The following LRRC75A variants were observed in gnomAD, a reference collection of about 807,000 sequenced individuals.
LRRC75A encodes the protein leucine-rich repeat-containing protein 75A.
Under a neutral mutation model 26.0 loss-of-function variants are expected in LRRC75A, and 12 were observed. That is an observed-to-expected ratio of 0.46 (90% CI 0.30 to 0.75). The LOEUF (loss-of-function observed/expected upper bound fraction) is 0.75. Ranked by LOEUF, LRRC75A falls within the 30% of genes least tolerant of loss-of-function variation. The pLI is 0.08. For missense variants in LRRC75A, 410 were observed against 486.6 expected, an observed-to-expected ratio of 0.84 and a Z score of 1.48; for synonymous variants, 223 against 219.3, an observed-to-expected ratio of 1.02 and a Z score of -0.15.
chr17:16,491,928 G>C lies in LRRC75A; in HGVS notation c.63C>G (p.Gly21=). 8.0e-7 allele frequency: 1 copy of C among 1,249,344 alleles called. No individual in the cohort carries two copies. The highest frequency in any genetic ancestry group is 1.0e-6 in the Non-Finnish European group (1 of 999,990). The allele number at this position is 1,249,344 out of a possible 1,614,324, so 77.4% of individuals were successfully genotyped here. The change falls in exon 1 of 4, where the codon GGC becomes GGG. Residue 21 remains glycine (G), a synonymous_variant. Transcript: ENST00000470794. This position sits in a 1 kb window ranked among gnomAD's most constrained non-coding sequence, Gnocchi z 5.9. ...AERASPGAAP[G]PRRERPDFWA... ...AGAAGTCCGGCCGTTCGCGTCGGGG[G>C]CCCGGCGCGGCGCCGGGGCTGGCTC...
At chr17:16,487,192 T>G (rs1229418837) in intron 1 of LRRC75A, among the ~76,000 whole-genome samples, 1 of 152,128 alleles carries the variant, frequency 6.6e-6, no homozygotes, top group Non-Finnish European at 1.5e-5. Context: ...GTAAGGTGCA[T>G]TCAGTGGAAA....
At chr17:16,464,835 C>G (rs1172977702) in intron 1 of LRRC75A, among the ~76,000 whole-genome samples, 5 of 152,260 alleles carry the variant, frequency 3.3e-5, no homozygotes, top group South Asian at 2.1e-4. Flanking sequence ...CCCTGCCTCC[C>G]TGAGGCGGGA....
intron 2 of LRRC75A, among the ~76,000 whole-genome samples, chr17:16,453,306 ACACACGCACACACG>A (rs2093649024): frequency 2.8e-5 from 2 of 70,578 alleles, no homozygotes; most frequent in Non-Finnish European, 8.7e-5. Context: ...AAACACACAC[ACACACGCACACACG>A]CACACACGCA....
At position 16,462,759 on chromosome 17, in the gene LRRC75A, G is replaced by T; in HGVS notation, c.247-373C>A. On this transcript the variant is annotated intron_variant, in intron 1 of 3. Transcript: ENST00000470794. The surrounding 1 kb of genome is among the most constrained non-coding windows in gnomAD (Gnocchi z 4.6). Reference sequence around the variant, plus strand: ...CAAAATTTGGAATTAACTGCCTTGTGACAGGATGGTTTAATGATATTTATT... The same window carrying T: ...CAAAATTTGGAATTAACTGCCTTGTTACAGGATGGTTTAATGATATTTATT... 1 of 234,126 alleles carries T rather than the reference G, an allele frequency of 4.3e-6. No homozygotes were observed. The highest frequency in any genetic ancestry group is 7.0e-5 in the South Asian group (1 of 14,344). The allele number at this position is 234,126 out of a possible 1,614,324, so 14.5% of individuals were successfully genotyped here.
At chr17:16,451,830 C>T (rs1308363330) in intron 2 of LRRC75A, among the ~76,000 whole-genome samples, 1 of 150,088 alleles carries the variant, frequency 6.7e-6, no homozygotes, top group Non-Finnish European at 1.5e-5. Flanking sequence ...CTGCAAGCTC[C>T]GCCTCCCGGG....
intron 3 of LRRC75A, among the ~76,000 whole-genome samples, chr17:16,445,828 G>A (rs759963501): frequency 1.6e-4 from 25 of 152,316 alleles, no homozygotes; most frequent in Middle Eastern, 3.4e-3. Flanking sequence ...GCCTGAGCTG[G>A]GTTTGAATTC....
Position 16,443,618 on chromosome 17 carries a change from G to T in LRRC75A, c.1005C>A (p.Gly335=), listed in dbSNP as rs4792745. ...PVAPAEDHHE[G]KETVAAAQT is the part of the protein sequence containing the mutation. ...TCTGAGCTGCAGCTACAGTCTCCTT[G>T]CCCTCATGGTGGTCTTCGGCAGGTG... The change falls in exon 4 of 4, where the codon GGC becomes GGA. Residue 335 remains glycine (G), a synonymous_variant. Transcript: ENST00000470794. 555,249 of 1,540,290 alleles carry T rather than the reference G, an allele frequency of 0.36. 102,242 individuals are homozygous for T. The highest frequency in any genetic ancestry group is 0.37 in the Non-Finnish European group (426,864 of 1,138,416).
intron 2 of LRRC75A, among the ~76,000 whole-genome samples, chr17:16,453,348 G>GCGCACA (rs1724543408): frequency 6.9e-6 from 1 of 145,818 alleles, no homozygotes. Flanking sequence ...ACACGCACAC[G>GCGCACA]CACACACACA....
chr17:16,468,014 C>A (rs1011098853), intron 1 of LRRC75A, among the ~76,000 whole-genome samples: 1 of 152,186 alleles, frequency 6.6e-6, no homozygotes, highest in Non-Finnish European at 1.5e-5. Flanking sequence ...CTTCTCTGGC[C>A]AATCCAGTTC....
chr17:16,452,944 C>A (rs990131038), intron 2 of LRRC75A, among the ~76,000 whole-genome samples: 1 of 152,092 alleles, frequency 6.6e-6, no homozygotes, highest in Admixed American at 6.6e-5. Context: ...TTTCCAAAAT[C>A]TGGGGCCAAA....
chr17:16,477,266 A>C (rs948708854), intron 1 of LRRC75A, among the ~76,000 whole-genome samples: 18 of 152,254 alleles, frequency 1.2e-4, no homozygotes, highest in Admixed American at 1.2e-3. Flanking sequence ...ACCACAACCT[A>C]GCTAGGCTGA....
At chr17:16,485,681 T>TGTGTGTGTGTGC (rs2093845440) in intron 1 of LRRC75A, among the ~76,000 whole-genome samples, 12 of 135,428 alleles carry the variant, frequency 8.9e-5, no homozygotes, top group South Asian at 2.3e-4. Flanking sequence ...CGTGTGTGTG[T>TGTGTGTGTGTGC]GTGTGTGTGT....
chr17:16,492,126 G>T lies in LRRC75A; in HGVS notation c.-136C>A. 1.4e-6 allele frequency: 1 copy of T among 724,486 alleles called. No homozygotes were observed. Among genetic ancestry groups the T allele is most frequent in the Non-Finnish European group, 1.7e-6 (1 of 588,540 alleles). The allele number at this position is 724,486 out of a possible 1,614,324, so 44.9% of individuals were successfully genotyped here. ...GGGAACTGTTGCGCGCGGGCGTCGC[G>T]GGGGCGGGCGGGCGGGCGGCTGTCG... On this transcript the variant is annotated 5_prime_UTR_variant, in exon 1 of 4. Transcript: ENST00000470794.
chr17:16,453,216 G>C (rs573988472), intron 2 of LRRC75A, among the ~76,000 whole-genome samples: 1 of 152,204 alleles, frequency 6.6e-6, no homozygotes, highest in East Asian at 1.9e-4. Flanking sequence ...TTGAACCCGG[G>C]AGGTGGAGGT....
At chr17:16,475,383 C>A (rs112895641) in intron 1 of LRRC75A, among the ~76,000 whole-genome samples, 1 of 152,042 alleles carries the variant, frequency 6.6e-6, no homozygotes, top group East Asian at 1.9e-4. Context: ...TGGGGGCTGG[C>A]GAGTCTGAAA....
At chr17:16,475,239 ACT>A (rs1434052098) in intron 1 of LRRC75A, among the ~76,000 whole-genome samples, 1 of 152,030 alleles carries the variant, frequency 6.6e-6, no homozygotes, top group African/African-American at 2.4e-5. Context: ...GAAATTTCTG[ACT>A]CTGCCTCTAT....
At chr17:16,444,178 T>G in intron 3 of LRRC75A, 47 bp from the exon 4 acceptor site, 3 of 1,460,928 alleles carry the variant, frequency 2.1e-6, no homozygotes, top group Non-Finnish European at 2.8e-6. Flanking sequence ...AGGGCAGGCC[T>G]TTCCCCCAGA....
Position 16,483,301 on chromosome 17 carries a change from CT to C in LRRC75A, c.246+8443del, listed in dbSNP as rs368896206. Among the ~76,000 whole-genome samples, 352 of 152,366 alleles carry C rather than the reference CT, an allele frequency of 2.3e-3. 3 individuals are homozygous for C. Among genetic ancestry groups the C allele is most frequent in the African/African-American group, 7.7e-3 (322 of 41,592 alleles). Reference sequence around the variant, plus strand: ...GGTTCCCTGGTTCTGGCCTCTGCCCCTGGCACCATGTGATGTGGCCTTTCAC... The same window carrying C: ...GGTTCCCTGGTTCTGGCCTCTGCCCCGGCACCATGTGATGTGGCCTTTCAC... On this transcript the variant is annotated intron_variant, in intron 1 of 3. Transcript: ENST00000470794.
In LRRC75A at chr17:16,442,884, C is replaced by T. The variant is rs533743849; in HGVS notation, c.*704G>A. The T allele has an allele frequency of 6.6e-6, 1 of 152,380 alleles. No homozygotes were observed. Among genetic ancestry groups the T allele is most frequent in the African/African-American group, 2.4e-5 (1 of 41,578 alleles). 9.4% of individuals were successfully genotyped at this position (152,380 alleles called of 1,614,324 possible). A position where few individuals can be genotyped will look rare whatever the true frequency, so the allele number is the denominator to read the frequency against. ...GGAAGGTGGATAGGGGATTTCTGAA[C>T]AGGACTTTATGCCTGTATGCATGGG... On this transcript the variant is annotated 3_prime_UTR_variant, in exon 4 of 4. Transcript: ENST00000470794.
Sources: allele counts gnomAD v4.1 joint callset (sites outside exome capture counted in the v4.1 genomes callset), GRCh38; gene constraint gnomAD v4.1.1; non-coding constraint Gnocchi (gnomAD v3.1); transcripts MANE v1.5; gene names NCBI Gene and HGNC (gene_info 2026-07-23, HGNC 2026-07-21).